The following USP15 variants were observed in gnomAD, a reference collection of about 807,000 sequenced individuals.
USP15 encodes ubiquitin specific peptidase 15.
Under a neutral mutation model 127.1 loss-of-function variants are expected in USP15, and 18 were observed. The ratio of observed to expected loss-of-function variants is 0.14; its 90% confidence interval spans 0.10 to 0.21. USP15 has a LOEUF of 0.21. Ranked by LOEUF, USP15 falls within the 10% of genes least tolerant of loss-of-function variation. The pLI is 1.00. For synonymous variants in USP15, 364 were observed against 393.7 expected (o/e 0.92, Z 0.89); for missense variants, 805 against 1,159.9 (o/e 0.69, Z 4.44).
intron 8 of USP15, among the ~76,000 whole-genome samples, chr12:62,378,487 G>A (rs2066899308): frequency 6.6e-6 from 1 of 152,072 alleles, no homozygotes; most frequent in African/African-American, 2.4e-5. Flanking sequence ...TTAAATATTG[G>A]TTATGATATC....
chr12:62,335,518 T>A, intron 6 of USP15: 1 of 1,137,210 alleles, frequency 8.8e-7, no homozygotes, highest in African/African-American at 1.6e-5. Flanking sequence ...TCCTGGTCCT[T>A]GCTTTTTCTT....
At chr12:62,319,035 G>A (rs1205450250) in intron 4 of USP15, among the ~76,000 whole-genome samples, 2 of 152,130 alleles carry the variant, frequency 1.3e-5, no homozygotes, top group Non-Finnish European at 1.5e-5. Context: ...AACTACTGGA[G>A]ACTAGGTAAT....
At chr12:62,263,696 G>A (rs905491167) in intron 1 of USP15, among the ~76,000 whole-genome samples, 2 of 152,150 alleles carry the variant, frequency 1.3e-5, no homozygotes, top group African/African-American at 4.8e-5. Context: ...GCACTGATTT[G>A]TATAAGGAAT....
chr12:62,380,970 C>T (rs939385595), intron 8 of USP15, among the ~76,000 whole-genome samples: 2 of 152,074 alleles, frequency 1.3e-5, no homozygotes, highest in Non-Finnish European at 2.9e-5. Flanking sequence ...CTCTCAGGCT[C>T]AAGTAATCTG....
intron 1 of USP15, among the ~76,000 whole-genome samples, chr12:62,265,008 A>G (rs2063160166): frequency 6.6e-6 from 1 of 152,100 alleles, no homozygotes; most frequent in Non-Finnish European, 1.5e-5. Context: ...CACATCTTAG[A>G]TGCTTAAAAA....
At chr12:62,280,195 A>G (rs564289721) in intron 1 of USP15, among the ~76,000 whole-genome samples, 2 of 152,192 alleles carry the variant, frequency 1.3e-5, no homozygotes, top group Non-Finnish European at 2.9e-5. Context: ...ATAATTAATA[A>G]TAAATTAAGC....
At chr12:62,401,485 T>G (rs1438432636) in intron 21 of USP15, among the ~76,000 whole-genome samples, 1 of 152,008 alleles carries the variant, frequency 6.6e-6, no homozygotes, top group Non-Finnish European at 1.5e-5. Context: ...AAGCATAAAT[T>G]GCAAGGTGAA....
chr12:62,318,746 C>T (rs2064904186), intron 4 of USP15, among the ~76,000 whole-genome samples: 2 of 152,102 alleles, frequency 1.3e-5, no homozygotes, highest in African/African-American at 4.8e-5. Flanking sequence ...AAACTAAGCT[C>T]CCTTTCCCAA....
intron 7 of USP15, among the ~76,000 whole-genome samples, chr12:62,351,960 G>A (rs765783547): frequency 1.5e-4 from 23 of 150,760 alleles, no homozygotes; most frequent in Non-Finnish European, 2.8e-4. Flanking sequence ...TTTATTTCTT[G>A]AATTTCCATT....
At chr12:62,350,229 T>C (rs980309146) in intron 7 of USP15, among the ~76,000 whole-genome samples, 1 of 152,056 alleles carries the variant, frequency 6.6e-6, no homozygotes, top group Non-Finnish European at 1.5e-5. Flanking sequence ...AGACTAAAGC[T>C]ATTTGTGAAA....
At chr12:62,394,921 A>T (rs1209769325) in intron 19 of USP15, among the ~76,000 whole-genome samples, 1 of 152,088 alleles carries the variant, frequency 6.6e-6, no homozygotes, top group Non-Finnish European at 1.5e-5. Flanking sequence ...AAAATTTAGA[A>T]TCATTATTGC....
Position 62,336,029 on chromosome 12 carries a change from T to C in USP15, c.683+10096T>C, listed in dbSNP as rs1200781894. The C allele has an allele frequency of 4.1e-6, 4 of 984,536 alleles. No homozygotes were observed. In the African/African-American group the frequency reaches 7.0e-5, roughly 17 times the overall value. 61.0% of individuals were successfully genotyped at this position (984,536 alleles called of 1,614,324 possible). A position where few individuals can be genotyped will look rare whatever the true frequency, so the allele number is the denominator to read the frequency against. ...CATCATTCATATCATATGTAGTCTA[T>C]GTGATAGGCCCTCCTTGGCACGGTG... On this transcript the variant is annotated intron_variant, in intron 6 of 21. Coordinates refer to ENST00000280377, the MANE Select transcript of USP15 (RefSeq NM_001252078.2).
At chr12:62,392,011 A>C (rs1292494550) in intron 17 of USP15, 125 bp downstream of exon 17, 1 of 1,051,182 alleles carries the variant, frequency 9.5e-7, no homozygotes, top group African/African-American at 1.6e-5. Context: ...CCAGTAAAAA[A>C]TTGGTCATGA....
chr12:62,275,859 G>A (rs2063477613), intron 1 of USP15, among the ~76,000 whole-genome samples: 1 of 152,060 alleles, frequency 6.6e-6, no homozygotes, highest in African/African-American at 2.4e-5. Context: ...TAGCAAGGTT[G>A]TTCAACCTAA....
At position 62,340,516 on chromosome 12, in the gene USP15, T is replaced by C. The variant is rs570365901; in HGVS notation, c.684-8705T>C. Among the ~76,000 whole-genome samples the C allele has an allele frequency of 3.9e-5, 6 of 152,350 alleles. No homozygotes were observed. The East Asian group carries it at 5.8e-4, about 15-fold the overall frequency. ...TTCATATCTTTCCAGCTTTCTGATA[T>C]GGGCATTTAGTGCTATAAATTTCCC... On this transcript the variant is annotated intron_variant, in intron 6 of 21. Transcript: ENST00000280377.
chr12:62,403,700 T>A (rs2067769934), intron 21 of USP15, among the ~76,000 whole-genome samples: 1 of 151,962 alleles, frequency 6.6e-6, no homozygotes, highest in Non-Finnish European at 1.5e-5. Context: ...ACCTTAGGTA[T>A]TTTTTAATGC....
chr12:62,272,631 A>T (rs531011923), intron 1 of USP15, among the ~76,000 whole-genome samples: 2 of 152,056 alleles, frequency 1.3e-5, no homozygotes, highest in African/African-American at 4.8e-5. Flanking sequence ...AACTTTTGAT[A>T]TTCTCTTTCT....
At chr12:62,363,713 T>C (rs551303221) in intron 8 of USP15, among the ~76,000 whole-genome samples, 2 of 152,020 alleles carry the variant, frequency 1.3e-5, no homozygotes, top group African/African-American at 4.8e-5. Flanking sequence ...TCTCTCCCTC[T>C]CTCCCTCTCT....
chr12:62,324,776 A>T (rs1029481648), intron 5 of USP15, among the ~76,000 whole-genome samples: 2 of 151,960 alleles, frequency 1.3e-5, no homozygotes, highest in African/African-American at 2.4e-5. Flanking sequence ...GAATTTTTTT[A>T]AAATCAACAT....
Sources: allele counts gnomAD v4.1 joint callset (sites outside exome capture counted in the v4.1 genomes callset), GRCh38; gene constraint gnomAD v4.1.1; transcripts MANE v1.5; gene names NCBI Gene and HGNC (gene_info 2026-07-23, HGNC 2026-07-21).